Variants in MAGI2 observed in about 807,000 individuals in gnomAD.
MAGI2 encodes the protein membrane-associated guanylate kinase, WW and PDZ domain-containing protein 2.
MAGI2 carries 35 observed loss-of-function variants against 133.3 expected under a neutral mutation model. The ratio of observed to expected loss-of-function variants is 0.26; its 90% CI spans 0.20 to 0.35. The LOEUF (loss-of-function observed/expected upper bound fraction) is 0.35, where lower values mean the gene tolerates loss of function less well. Among genes scored for constraint, MAGI2 ranks in the 10% least tolerant of loss-of-function variants. The probability of loss-of-function intolerance (pLI) is 1.00; values close to 1 mark genes in which losing one functional copy is unlikely to be tolerated. For missense variants in MAGI2, 1,636 were observed against 1,863.4 expected (o/e 0.88, Z 2.25); for synonymous variants, 729 against 710.6 (o/e 1.03, Z -0.41).
At chr7:78,907,444 T>C (rs541213874) in intron 2 of MAGI2, among the ~76,000 whole-genome samples, 35 of 152,180 alleles carry the variant, frequency 2.3e-4, no homozygotes, top group Non-Finnish European at 5.1e-4. Context: ...TGGATTAAAA[T>C]CTGGGTGGTG....
intron 11 of MAGI2, among the ~76,000 whole-genome samples, chr7:78,198,645 T>C (rs1213292235): frequency 6.6e-6 from 1 of 152,218 alleles, no homozygotes; most frequent in African/African-American, 2.4e-5. Flanking sequence ...TTGGCCATGC[T>C]TGTGGCTGAT....
chr7:79,388,525 C>A (rs867621252), intron 1 of MAGI2, among the ~76,000 whole-genome samples: 2 of 151,724 alleles, frequency 1.3e-5, no homozygotes, highest in Non-Finnish European at 3.0e-5. Flanking sequence ...GAATGGGCAA[C>A]TTATTTTAAG....
At chr7:79,440,602 TAAAG>T (rs1035648133) in intron 1 of MAGI2, among the ~76,000 whole-genome samples, 16 of 152,130 alleles carry the variant, frequency 1.1e-4, no homozygotes, top group African/African-American at 3.6e-4. Flanking sequence ...CTTATATTGG[TAAAG>T]AAAGTCTTTA....
intron 1 of MAGI2, among the ~76,000 whole-genome samples, chr7:79,028,318 CATAT>C (rs59207768): frequency 0.019 from 463 of 24,190 alleles, 14 homozygotes; most frequent in East Asian, 0.046. Context: ...TATATACACA[CATAT>C]ATATACATAT....
intron 1 of MAGI2, among the ~76,000 whole-genome samples, chr7:79,429,303 C>CT (rs939016945): frequency 4.4e-4 from 65 of 148,014 alleles, no homozygotes; most frequent in East Asian, 3.3e-3. Flanking sequence ...TTAATTTCTA[C>CT]TTTTTTTTTT....
intron 1 of MAGI2, among the ~76,000 whole-genome samples, chr7:79,148,381 G>A (rs1387038726): frequency 2.6e-5 from 4 of 152,200 alleles, no homozygotes. Flanking sequence ...GCCCACCTAA[G>A]TGTCAGTCAC....
At chr7:79,041,486 T>C (rs1281026918) in intron 1 of MAGI2, among the ~76,000 whole-genome samples, 2 of 152,110 alleles carry the variant, frequency 1.3e-5, no homozygotes, top group African/African-American at 2.4e-5. Context: ...AATATGATGA[T>C]AGTAAAAATG....
rs769718799 is a variant in MAGI2, at chr7:79,142,377, A to C, written c.302-135171T>G. Among the ~76,000 whole-genome samples, 4 of 152,278 alleles carry C rather than the reference A, an allele frequency of 2.6e-5. No individual in the cohort carries two copies. The South Asian group carries it at 8.3e-4, about 32-fold the overall frequency. ...TTTGGTTCACATTAAACATAAATTT[A>C]TGTTGTTAAAATGATTGAGACAGAG... On this transcript the variant is annotated intron_variant, in intron 1 of 21. Coordinates refer to ENST00000354212, the MANE Select transcript of MAGI2 (RefSeq NM_012301.4).
At chr7:78,724,619 G>A (rs1820587635) in intron 2 of MAGI2, among the ~76,000 whole-genome samples, 2 of 152,186 alleles carry the variant, frequency 1.3e-5, no homozygotes, top group Admixed American at 1.3e-4. Flanking sequence ...GAGGAGGAAG[G>A]AGAAGAAAGG....
intron 2 of MAGI2, among the ~76,000 whole-genome samples, chr7:78,694,846 T>C (rs1817337187): frequency 6.6e-6 from 1 of 152,210 alleles, no homozygotes; most frequent in Non-Finnish European, 1.5e-5. Flanking sequence ...TCCTGGAACA[T>C]AGGAAGTGCT....
chr7:78,267,796 T>C (rs749124817), intron 9 of MAGI2, among the ~76,000 whole-genome samples: 1 of 152,144 alleles, frequency 6.6e-6, no homozygotes, highest in African/African-American at 2.4e-5. Context: ...ATGAATAACC[T>C]AGCCTAGGGG....
At chr7:79,230,671 C>T (rs1831288964) in intron 1 of MAGI2, among the ~76,000 whole-genome samples, 1 of 151,194 alleles carries the variant, frequency 6.6e-6, no homozygotes, top group Admixed American at 6.6e-5. Context: ...TGTTTGAGTT[C>T]ATTGTAGATT....
At chr7:78,560,675 G>A (rs566685250) in intron 3 of MAGI2, among the ~76,000 whole-genome samples, 2 of 152,220 alleles carry the variant, frequency 1.3e-5, no homozygotes, top group East Asian at 3.9e-4. Context: ...ATTATTTGTG[G>A]GCTTCAGCGG....
intron 1 of MAGI2, among the ~76,000 whole-genome samples, chr7:79,101,908 T>C (rs2129543274): frequency 6.6e-6 from 1 of 151,910 alleles, no homozygotes; most frequent in African/African-American, 2.4e-5. Context: ...ATCATACATT[T>C]TCAGAAACAT....
chr7:79,307,551 T>C (rs1837923272), intron 1 of MAGI2, among the ~76,000 whole-genome samples: 1 of 152,208 alleles, frequency 6.6e-6, no homozygotes, highest in Non-Finnish European at 1.5e-5. Context: ...TTTCCCTCTA[T>C]TGTCACTTTT....
At chr7:79,355,077 T>C (rs1473427843) in intron 1 of MAGI2, among the ~76,000 whole-genome samples, 1 of 152,214 alleles carries the variant, frequency 6.6e-6, no homozygotes. Context: ...CCTTCAGGGC[T>C]GCATGGGAGA....
At chr7:79,315,679 G>T (rs905350196) in intron 1 of MAGI2, among the ~76,000 whole-genome samples, 36 of 152,112 alleles carry the variant, frequency 2.4e-4, no homozygotes, top group African/African-American at 8.4e-4. Context: ...CCACAGGAAT[G>T]TATTGAGGCT....
intron 2 of MAGI2, among the ~76,000 whole-genome samples, chr7:78,922,342 C>G (rs960776373): frequency 6.6e-6 from 1 of 151,814 alleles, no homozygotes; most frequent in Non-Finnish European, 1.5e-5. Flanking sequence ...TCCCTCCCCC[C>G]TGCCCCCACC....
chr7:79,446,914 T>G (rs1421431137), intron 1 of MAGI2, among the ~76,000 whole-genome samples: 2 of 152,084 alleles, frequency 1.3e-5, no homozygotes, highest in Admixed American at 6.5e-5. Context: ...ATCACGCCAC[T>G]GCACTCCAGC....
Sources: allele counts gnomAD v4.1 joint callset (sites outside exome capture counted in the v4.1 genomes callset), GRCh38; gene constraint gnomAD v4.1.1; transcripts MANE v1.5; gene names NCBI Gene and HGNC (gene_info 2026-07-23, HGNC 2026-07-21).